The following TIAM1 variants were observed in gnomAD, a reference collection of about 807,000 sequenced individuals.
TIAM1 encodes the protein rho guanine nucleotide exchange factor TIAM1.
TIAM1 carries 65 observed loss-of-function variants against 163.5 expected under a neutral mutation model. The ratio of observed to expected loss-of-function variants is 0.40; its 90% CI spans 0.33 to 0.49. TIAM1 has a LOEUF of 0.49. Among genes scored for constraint, TIAM1 ranks in the 20% least tolerant of loss-of-function variants. The pLI is 0.77. For synonymous variants in TIAM1, 833 were observed against 810.1 expected (o/e 1.03, Z -0.48); for missense variants, 1,789 against 2,044.7 (o/e 0.87, Z 2.41).
chr21:31,522,887 G>T (rs566041831), intron 1 of TIAM1, among the ~76,000 whole-genome samples: 3 of 152,202 alleles, frequency 2.0e-5, no homozygotes, highest in African/African-American at 7.2e-5. Context: ...ACACTACCCC[G>T]TATTTCAATG....
chr21:31,406,825 A>G (rs1478181685), intron 2 of TIAM1, among the ~76,000 whole-genome samples: 1 of 152,142 alleles, frequency 6.6e-6, no homozygotes, highest in Non-Finnish European at 1.5e-5. Flanking sequence ...AAAAATCAAC[A>G]AACTCCCAAA....
At chr21:31,131,541 G>A (rs2082412259) in intron 23 of TIAM1, among the ~76,000 whole-genome samples, 1 of 152,162 alleles carries the variant, frequency 6.6e-6, no homozygotes, top group South Asian at 2.1e-4. Context: ...CGGGGGTGGG[G>A]AGATACAATG....
At position 31,274,990 on chromosome 21, in the gene TIAM1, G is replaced by C. The variant is rs917418282; in HGVS notation, c.-12+1742C>G. ...CTGGGTGTGGTGGGGGCGGGGGGCAGGGGTGCCTGTAATCCCAGCTACTCG... is the reference window on the plus strand; with the variant it reads ...CTGGGTGTGGTGGGGGCGGGGGGCACGGGTGCCTGTAATCCCAGCTACTCG... On this transcript the variant is annotated intron_variant, in intron 3 of 27. Transcript: ENST00000541036. Among the ~76,000 whole-genome samples, 3 of 150,138 alleles carry C rather than the reference G, an allele frequency of 2.0e-5. No individual in the cohort carries two copies. In the Admixed American group the frequency reaches 2.0e-4, roughly 10 times the overall value.
intron 1 of TIAM1, among the ~76,000 whole-genome samples, chr21:31,520,069 G>A (rs146704173): frequency 7.9e-5 from 12 of 152,230 alleles, no homozygotes; most frequent in East Asian, 3.9e-4. Context: ...CGGTGGCCAC[G>A]CCTTGAATCC....
chr21:31,557,058 G>T (rs1227667669), intron 1 of TIAM1, among the ~76,000 whole-genome samples: 1 of 152,228 alleles, frequency 6.6e-6, no homozygotes, highest in Non-Finnish European at 1.5e-5. Flanking sequence ...ACTGGCAACT[G>T]CTTTCCACCT....
At chr21:31,420,014 A>T (rs765988749) in intron 2 of TIAM1, among the ~76,000 whole-genome samples, 1 of 152,208 alleles carries the variant, frequency 6.6e-6, no homozygotes, top group African/African-American at 2.4e-5. Context: ...GTGCTATTGC[A>T]CTCCAGCCTG....
intron 2 of TIAM1, among the ~76,000 whole-genome samples, chr21:31,334,555 G>C (rs188315361): frequency 1.3e-5 from 2 of 152,098 alleles, no homozygotes; most frequent in Non-Finnish European, 1.5e-5. Flanking sequence ...TTGACTCTCC[G>C]GGGATTTCAG....
chr21:31,423,301 T>C (rs910692411), intron 2 of TIAM1, among the ~76,000 whole-genome samples: 11 of 151,928 alleles, frequency 7.2e-5, no homozygotes, highest in African/African-American at 2.7e-4. Flanking sequence ...GGTTTCACCA[T>C]GTTAGCCAGG....
chr21:31,184,142 G>C (rs906777048), intron 14 of TIAM1, among the ~76,000 whole-genome samples: 2 of 151,696 alleles, frequency 1.3e-5, no homozygotes, highest in Admixed American at 6.6e-5. Context: ...TTTTGCTCTT[G>C]TTGTCCAGGC....
intron 26 of TIAM1, among the ~76,000 whole-genome samples, chr21:31,126,814 G>A (rs1421708060): frequency 6.6e-6 from 1 of 152,082 alleles, no homozygotes; most frequent in Non-Finnish European, 1.5e-5. Flanking sequence ...CCCACATCAT[G>A]AGCCCAGCTT....
intron 12 of TIAM1, among the ~76,000 whole-genome samples, chr21:31,201,823 G>A (rs950891952): frequency 3.9e-5 from 6 of 152,120 alleles, no homozygotes; most frequent in Middle Eastern, 3.2e-3. Context: ...AAATAGAGGC[G>A]CCTTGCTCCC....
chr21:31,187,533 A>T (rs1290130070), intron 13 of TIAM1, among the ~76,000 whole-genome samples: 4 of 152,206 alleles, frequency 2.6e-5, no homozygotes, highest in African/African-American at 9.7e-5. Flanking sequence ...CTATATGGAC[A>T]CTGCTTTAAT....
At chr21:31,457,807 C>T (rs149264654) in intron 2 of TIAM1, among the ~76,000 whole-genome samples, 1 of 152,320 alleles carries the variant, frequency 6.6e-6, no homozygotes, top group African/African-American at 2.4e-5. Flanking sequence ...CCTCCTGCCT[C>T]CAGGGGTCAT....
At chr21:31,524,140 G>A (rs549589374) in intron 1 of TIAM1, among the ~76,000 whole-genome samples, 1 of 152,228 alleles carries the variant, frequency 6.6e-6, no homozygotes, top group African/African-American at 2.4e-5. Flanking sequence ...CTTTTGCATT[G>A]CTGTAAGGAA....
At chr21:31,465,839 G>T (rs2045511169) in intron 1 of TIAM1, among the ~76,000 whole-genome samples, 1 of 152,012 alleles carries the variant, frequency 6.6e-6, no homozygotes, top group South Asian at 2.1e-4. Context: ...CAAAAGTGCT[G>T]GGTTTACCGG....
chr21:31,517,300 A>G (rs1814421652), intron 1 of TIAM1, among the ~76,000 whole-genome samples: 1 of 152,154 alleles, frequency 6.6e-6, no homozygotes, highest in African/African-American at 2.4e-5. Context: ...TTAGGAGGCC[A>G]GAACAGGAGA....
At chr21:31,444,749 A>G (rs945645623) in intron 2 of TIAM1, among the ~76,000 whole-genome samples, 2 of 152,238 alleles carry the variant, frequency 1.3e-5, no homozygotes, top group Non-Finnish European at 2.9e-5. Context: ...CTGTAATGCC[A>G]GCACTTTGGG....
intron 20 of TIAM1, among the ~76,000 whole-genome samples, chr21:31,142,584 T>C (rs1601255532): frequency 7.6e-6 from 1 of 131,442 alleles, no homozygotes. Context: ...TGAGCCGAGA[T>C]CGTGCCACTG....
chr21:31,257,841 G>A (rs184883862), intron 4 of TIAM1, among the ~76,000 whole-genome samples: 3 of 152,096 alleles, frequency 2.0e-5, no homozygotes, highest in Admixed American at 6.5e-5. Context: ...CAACCAGAAG[G>A]CTTCTCTGTG....
Sources: allele counts gnomAD v4.1 joint callset (sites outside exome capture counted in the v4.1 genomes callset), GRCh38; gene constraint gnomAD v4.1.1; transcripts MANE v1.5; gene names NCBI Gene and HGNC (gene_info 2026-07-23, HGNC 2026-07-21).